FBN1: variants seen among roughly 807,000 people sequenced by gnomAD.
FBN1 encodes fibrillin-1.
A neutral mutation model predicts 365.1 loss-of-function variants in FBN1; 29 were observed. The observed-to-expected ratio is 0.08, with a 90% CI of 0.06 to 0.11. FBN1 has a LOEUF of 0.11. Among genes scored for constraint, FBN1 ranks in the 10% least tolerant of loss-of-function variants. FBN1 has a pLI of 1.00. For missense variants in FBN1, 2,476 were observed against 3,703.2 expected (o/e 0.67, Z 8.60); for synonymous variants, 1,210 against 1,270.5 (o/e 0.95, Z 1.01).
chr15:48,469,651 A>G (rs1425874996), intron 36 of FBN1, among the ~76,000 whole-genome samples: 1 of 152,062 alleles, frequency 6.6e-6, no homozygotes, highest in African/African-American at 2.4e-5. Context: ...TGCGCTGCAG[A>G]TGATTTTTTT....
At chr15:48,593,530 CA>C (rs1566934258) in intron 6 of FBN1, among the ~76,000 whole-genome samples, 1 of 152,160 alleles carries the variant, frequency 6.6e-6, no homozygotes, top group Non-Finnish European at 1.5e-5. Context: ...ACATTGTAAT[CA>C]GCTCTGTTTA....
chr15:48,485,315 T>C (rs2043496025), intron 30 of FBN1, 59 bp downstream of exon 30: 1 of 1,613,340 alleles, frequency 6.2e-7, no homozygotes, highest in African/African-American at 1.3e-5. Context: ...GCCTGGGCCC[T>C]AAACTACTTT....
intron 13 of FBN1, 42 bp downstream of exon 13, chr15:48,513,507 G>T (rs767729957): frequency 1.2e-6 from 2 of 1,613,626 alleles, no homozygotes; most frequent in Admixed American, 3.3e-5. Flanking sequence ...CCCCCAGTTA[G>T]CATATATGTC....
chr15:48,445,699 A>C (rs908913492), intron 47 of FBN1, among the ~76,000 whole-genome samples, 195 bp from the exon 48 acceptor site: 1 of 152,122 alleles, frequency 6.6e-6, no homozygotes. Flanking sequence ...CACATTTAAC[A>C]ATAAGATTAC....
In FBN1 at chr15:48,530,131, A is replaced by C. The variant is rs1413625032; in HGVS notation, c.863-3876T>G. On this transcript the variant is annotated intron_variant, in intron 8 of 65. Transcript: ENST00000316623. ...TTCTTATCCATGCTGCATCCGCCGC[A>C]TCACAACTTGAAAATGGAGTCTGAA... 3.9e-5 allele frequency among the ~76,000 whole-genome samples: 5 copies of C among 128,840 alleles called. No individual in the cohort carries two copies. The Admixed American group carries it at 3.9e-4, about 10-fold the overall frequency. The allele number at this position is 128,840 out of a possible 152,430, so 84.5% of individuals were successfully genotyped here.
At chr15:48,491,577 T>C (rs1249608753) in intron 24 of FBN1, among the ~76,000 whole-genome samples, 2 of 152,208 alleles carry the variant, frequency 1.3e-5, no homozygotes, top group Non-Finnish European at 2.9e-5. Context: ...GGTCTCGATC[T>C]CCTGACCTCG....
At chr15:48,507,652 C>T (rs1387009327) in intron 15 of FBN1, among the ~76,000 whole-genome samples, 1 of 152,178 alleles carries the variant, frequency 6.6e-6, no homozygotes, top group Admixed American at 6.5e-5. Context: ...AAGCTGTCCA[C>T]TAGGGGCACA....
At chr15:48,634,860 CA>C (rs1186580895) in intron 2 of FBN1, among the ~76,000 whole-genome samples, 104 of 41,474 alleles carry the variant, frequency 2.5e-3, no homozygotes, top group African/African-American at 9.7e-3. Flanking sequence ...AAAAAAACCA[CA>C]CACACACACA....
intron 64 of FBN1, 31 bp downstream of exon 64, chr15:48,415,505 T>A (rs751949161): frequency 1.3e-6 from 2 of 1,507,338 alleles, no homozygotes; most frequent in South Asian, 2.2e-5. Flanking sequence ...TGAAAGAATC[T>A]CCAACCATGA....
At chr15:48,463,272 G>T in intron 41 of FBN1, 32 bp from the exon 42 acceptor site, 2 of 1,608,094 alleles carry the variant, frequency 1.2e-6, no homozygotes, top group Non-Finnish European at 8.5e-7. Context: ...GGATTGGAGG[G>T]TTGGTGATGC....
intron 44 of FBN1, among the ~76,000 whole-genome samples, 180 bp downstream of exon 44, chr15:48,456,457 G>C (rs1023238407): frequency 2.0e-5 from 3 of 151,612 alleles, no homozygotes; most frequent in African/African-American, 7.3e-5. Context: ...TTTTTCCACT[G>C]AAGTTAGTGA....
At chr15:48,509,231 G>A (rs758089402) in intron 14 of FBN1, among the ~76,000 whole-genome samples, 6 of 151,930 alleles carry the variant, frequency 3.9e-5, no homozygotes, top group Non-Finnish European at 8.8e-5. Context: ...TAGAATACAT[G>A]GCTCAACTAT....
At chr15:48,509,962 CT>C in intron 14 of FBN1, 81 bp downstream of exon 14, 5 of 1,410,002 alleles carry the variant, frequency 3.5e-6, no homozygotes, top group Non-Finnish European at 5.0e-6. Flanking sequence ...TGACATTTCA[CT>C]CATTATTTGG....
chr15:48,618,215 T>C (rs1428882725), intron 2 of FBN1, among the ~76,000 whole-genome samples: 1 of 152,154 alleles, frequency 6.6e-6, no homozygotes, highest in East Asian at 1.9e-4. Context: ...CATCCTACTG[T>C]TCCAAGGTTA....
chr15:48,456,772 G>A lies in FBN1; in HGVS notation c.5297-10C>T. 6.2e-7 allele frequency: 1 copy of A among 1,612,542 alleles called. No homozygotes were observed. The highest frequency in any genetic ancestry group is 8.5e-7 in the Non-Finnish European group (1 of 1,179,348). On this transcript the variant is annotated splice_polypyrimidine_tract_variant and intron_variant, in intron 43 of 65. Coordinates refer to ENST00000316623, the MANE Select transcript of FBN1 (RefSeq NM_000138.5). ...CGGCACTCATCAATATCTAGAGACAGAGTAGTCATTCATGAGTGACAGGAC... is the reference window on the plus strand; with the variant it reads ...CGGCACTCATCAATATCTAGAGACAAAGTAGTCATTCATGAGTGACAGGAC...
chr15:48,610,909 T>C, intron 3 of FBN1, 83 bp from the exon 4 acceptor site: 1 of 1,185,250 alleles, frequency 8.4e-7, no homozygotes, highest in Non-Finnish European at 1.2e-6. Context: ...TGAGGAAACC[T>C]GGGTTCTCAG....
intron 2 of FBN1, among the ~76,000 whole-genome samples, chr15:48,632,692 C>T (rs1890009820): frequency 6.6e-6 from 1 of 152,128 alleles, no homozygotes; most frequent in Admixed American, 6.5e-5. Context: ...TACCAGTATA[C>T]CCCACTACCC....
intron 34 of FBN1, among the ~76,000 whole-genome samples, chr15:48,473,314 T>C (rs2043392996): frequency 6.6e-6 from 1 of 152,230 alleles, no homozygotes; most frequent in South Asian, 2.1e-4. Flanking sequence ...TGTGCTTAAA[T>C]GACTTTTTAT....
At chr15:48,645,477 T>C (rs1329303239) in intron 1 of FBN1, 98 bp downstream of exon 1, 1 of 152,474 alleles carries the variant, frequency 6.6e-6, no homozygotes, top group Non-Finnish European at 1.5e-5. Flanking sequence ...CCAGTCCCTG[T>C]CCCTGCCCTC....
Sources: gnomAD v4.1 joint callset for allele counts (sites outside exome capture counted in the v4.1 genomes callset) on GRCh38, gnomAD v4.1.1 for gene constraint, MANE v1.5 for transcripts, NCBI Gene and HGNC (gene_info 2026-07-23, HGNC 2026-07-21) for gene names.